The following KIF2A variants were observed in gnomAD, a reference collection of about 807,000 sequenced individuals.
KIF2A encodes kinesin-like protein KIF2A.
In KIF2A, 22 loss-of-function variants were observed where a neutral mutation model predicts 100.2. That is an observed-to-expected ratio of 0.22 (90% CI 0.16 to 0.31). The LOEUF (loss-of-function observed/expected upper bound fraction) is 0.31. KIF2A is among the 10% of genes least tolerant of loss of function. The pLI, the probability that KIF2A is intolerant of heterozygous loss-of-function variation, is 1.00. For synonymous variants in KIF2A, 268 were observed against 285.9 expected, an observed-to-expected ratio of 0.94 and a Z score of 0.63; for missense variants, 495 against 898.7, an observed-to-expected ratio of 0.55 and a Z score of 5.74.
intron 1 of KIF2A, among the ~76,000 whole-genome samples, chr5:62,333,359 G>A (rs1297732247): frequency 6.6e-6 from 1 of 152,196 alleles, no homozygotes; most frequent in Non-Finnish European, 1.5e-5. Context: ...AGTCGCTGTG[G>A]CTGGAATAGG....
chr5:62,370,533 G>A (rs1741275296), intron 16 of KIF2A, among the ~76,000 whole-genome samples: 1 of 152,220 alleles, frequency 6.6e-6, no homozygotes, highest in Non-Finnish European at 1.5e-5. Context: ...CTGACCTTAA[G>A]TGATCTGCCC....
intron 1 of KIF2A, among the ~76,000 whole-genome samples, chr5:62,340,242 T>C (rs1452727921): frequency 1.3e-5 from 2 of 152,176 alleles, no homozygotes; most frequent in East Asian, 3.9e-4. Context: ...TGGCAGTTGT[T>C]ATCTTTGGGA....
At chr5:62,314,476 C>CA (rs1745707167) in intron 1 of KIF2A, among the ~76,000 whole-genome samples, 1 of 152,004 alleles carries the variant, frequency 6.6e-6, no homozygotes, top group African/African-American at 2.4e-5. Context: ...AACAAACAAA[C>CA]AGAGACCAAG....
At chr5:62,378,599 A>G (rs543762708) in intron 19 of KIF2A, among the ~76,000 whole-genome samples, 4 of 152,336 alleles carry the variant, frequency 2.6e-5, no homozygotes, top group African/African-American at 4.8e-5. Context: ...ACTTTATGTC[A>G]GATTAGGATA....
chr5:62,337,148 T>TA (rs1435576382), intron 1 of KIF2A, among the ~76,000 whole-genome samples: 3 of 152,324 alleles, frequency 2.0e-5, no homozygotes, highest in East Asian at 3.9e-4. Context: ...ACACCAACTA[T>TA]TCTAGAGTAC....
chr5:62,382,042 G>T (rs1741794223), intron 20 of KIF2A, among the ~76,000 whole-genome samples: 1 of 152,174 alleles, frequency 6.6e-6, no homozygotes, highest in African/African-American at 2.4e-5. Flanking sequence ...TTTGCACACT[G>T]TTGGCTTTGT....
intron 1 of KIF2A, among the ~76,000 whole-genome samples, chr5:62,323,596 G>C (rs1168074956): frequency 6.6e-6 from 1 of 151,922 alleles, no homozygotes; most frequent in Non-Finnish European, 1.5e-5. Flanking sequence ...AGTAAATATT[G>C]ATGAGTTGAT....
At chr5:62,348,967 A>T (rs1170220529) in intron 3 of KIF2A, among the ~76,000 whole-genome samples, 2 of 152,214 alleles carry the variant, frequency 1.3e-5, no homozygotes, top group East Asian at 3.8e-4. Flanking sequence ...ATAGATAAGC[A>T]TTTAAATATA....
intron 1 of KIF2A, among the ~76,000 whole-genome samples, chr5:62,326,525 A>AT (rs1360953071): frequency 6.0e-5 from 9 of 151,258 alleles, no homozygotes; most frequent in African/African-American, 1.9e-4. Flanking sequence ...CTGTGGACAC[A>AT]TTTTTTCTGT....
chr5:62,350,099 C>A lies in KIF2A; in HGVS notation c.313C>A (p.Pro105Thr), dbSNP rs1233155974. 1.9e-6 allele frequency: 3 copies of A among 1,586,586 alleles called. No individual in the cohort carries two copies. In the South Asian group the frequency reaches 3.5e-5, roughly 19 times the overall value. Reference protein sequence around the residue: ...RRTVASIKNDPPSRDNRVVGS... With the variant: ...RRTVASIKNDTPSRDNRVVGS... ...GACTGTAGCTTCTATTAAGAATGAC[C>A]CTCCTTCAAGAGATAATAGAGGTAA... Residue 105 changes from proline to threonine, a missense_variant, in exon 4 of 21, where the codon CCT (proline) becomes ACT (threonine). This residue lies in a region of KIF2A where 115 missense variants were observed against 143.6 expected (regional missense o/e 0.80). Transcript: ENST00000407818.
intron 1 of KIF2A, among the ~76,000 whole-genome samples, chr5:62,339,294 G>A (rs2053695): frequency 0.028 from 2,463 of 88,756 alleles, 62 homozygotes; most frequent in African/African-American, 0.099. Context: ...AGGGGATGGT[G>A]CACTCATCAC....
intron 1 of KIF2A, among the ~76,000 whole-genome samples, chr5:62,336,540 A>G (rs1245004917): frequency 1.2e-4 from 19 of 152,244 alleles, no homozygotes; most frequent in Admixed American, 1.2e-3. Context: ...ACATTTCTAA[A>G]TAACTCATGA....
Position 62,390,176 on chromosome 5 carries a change from A to T in KIF2A, c.*4607A>T, listed in dbSNP as rs1461178048. 3.3e-5 allele frequency among the ~76,000 whole-genome samples: 5 copies of T among 152,238 alleles called. No individual in the cohort carries two copies. ...AGCTTTAAAAGTGAATTGGCTAAAT[A>T]GGCAAGACCTTCTGAAAGTTAACAT... On this transcript the variant is annotated 3_prime_UTR_variant, in exon 21 of 21. Transcript: ENST00000407818.
chr5:62,334,020 G>A (rs771872139), intron 1 of KIF2A, among the ~76,000 whole-genome samples: 9 of 152,000 alleles, frequency 5.9e-5, no homozygotes, highest in Non-Finnish European at 1.0e-4. Context: ...CCTGACCCCG[G>A]TCCTAATGAA....
intron 1 of KIF2A, among the ~76,000 whole-genome samples, chr5:62,319,843 G>A (rs182528413): frequency 3.3e-5 from 5 of 152,206 alleles, no homozygotes; most frequent in Middle Eastern, 3.4e-3. Flanking sequence ...GTTTTGAATA[G>A]CAATATAGTC....
At chr5:62,378,541 C>T (rs1233201338) in intron 19 of KIF2A, among the ~76,000 whole-genome samples, 1 of 152,198 alleles carries the variant, frequency 6.6e-6, no homozygotes, top group Non-Finnish European at 1.5e-5. Context: ...AACTTCAGCT[C>T]TAGGCCATTC....
intron 6 of KIF2A, among the ~76,000 whole-genome samples, chr5:62,354,306 A>G (rs1263764467): frequency 6.6e-6 from 1 of 152,060 alleles, no homozygotes; most frequent in East Asian, 1.9e-4. Flanking sequence ...CTTAATTCTC[A>G]CTTCACAGTC....
chr5:62,333,491 T>A (rs1561256607), intron 1 of KIF2A, among the ~76,000 whole-genome samples: 1 of 152,182 alleles, frequency 6.6e-6, no homozygotes, highest in East Asian at 1.9e-4. Flanking sequence ...CAGCCTTGGC[T>A]TTCAATCTGT....
Position 62,390,748 on chromosome 5 carries a change from C to T in KIF2A, c.*5179C>T, listed in dbSNP as rs1742271142. On this transcript the variant is annotated 3_prime_UTR_variant, in exon 21 of 21. Transcript: ENST00000407818. ...CTTCTACACCAAATACTATTCCATG[C>T]CATGGAAGTGCTATGCAATAACTCT... 2.1e-5 allele frequency: 15 copies of T among 723,234 alleles called. No individual in the cohort carries two copies. In the South Asian group the frequency reaches 2.3e-4, roughly 11 times the overall value. The allele number at this position is 723,234 out of a possible 1,614,324, so 44.8% of individuals were successfully genotyped here. A position where few individuals can be genotyped will look rare whatever the true frequency, so the allele number is the denominator to read the frequency against.
Sources: allele counts gnomAD v4.1 joint callset (sites outside exome capture counted in the v4.1 genomes callset), GRCh38; gene constraint gnomAD v4.1.1; regional missense constraint gnomAD v4.1.1; transcripts MANE v1.5; gene names NCBI Gene and HGNC (gene_info 2026-07-23, HGNC 2026-07-21).